Variants in COMMD1 observed in about 807,000 individuals in gnomAD.
COMMD1 encodes COMM domain-containing protein 1.
Under a neutral mutation model 17.2 loss-of-function variants are expected in COMMD1, and 10 were observed. That is an observed-to-expected ratio of 0.58 (90% CI 0.36 to 0.99). COMMD1 has a LOEUF of 0.99. Ranked by LOEUF, COMMD1 falls within the 50% of genes least tolerant of loss-of-function variation. The pLI is 0.01. For synonymous variants in COMMD1, 97 were observed against 91.6 expected (o/e 1.06, Z -0.34); for missense variants, 270 against 231.8 (o/e 1.17, Z -1.07).
intron 1 of COMMD1, among the ~76,000 whole-genome samples, chr2:61,933,724 A>G (rs1670529340): frequency 6.6e-6 from 1 of 152,168 alleles, no homozygotes; most frequent in Non-Finnish European, 1.5e-5. Flanking sequence ...CAGTTATAGT[A>G]AAAGAAAATG....
At chr2:61,907,853 A>G (rs1479015781) in intron 1 of COMMD1, among the ~76,000 whole-genome samples, 1 of 151,670 alleles carries the variant, frequency 6.6e-6, no homozygotes, top group African/African-American at 2.4e-5. Flanking sequence ...ACCACGCCTG[A>G]CTAATTTTTT....
chr2:61,968,945 CTTT>C (rs57247770), intron 1 of COMMD1: 2,845 of 212,262 alleles, frequency 0.013, no homozygotes, highest in South Asian at 0.027. Flanking sequence ...TTTATTTAGT[CTTT>C]TTTTTTTTTT....
intron 2 of COMMD1, among the ~76,000 whole-genome samples, chr2:62,114,274 A>C (rs1214371013): frequency 6.6e-6 from 1 of 152,190 alleles, no homozygotes; most frequent in Non-Finnish European, 1.5e-5. Flanking sequence ...AATCTCTTAC[A>C]CAGAGGATTG....
intron 1 of COMMD1, 78 bp from the exon 2 acceptor site, chr2:62,000,623 T>C: frequency 7.4e-7 from 1 of 1,358,348 alleles, no homozygotes; most frequent in Non-Finnish European, 1.0e-6. Context: ...ACTCAAAATA[T>C]AATCTGTAGT....
intron 1 of COMMD1, among the ~76,000 whole-genome samples, chr2:61,941,090 C>T (rs575900771): frequency 2.0e-5 from 3 of 150,992 alleles, no homozygotes; most frequent in South Asian, 2.1e-4. Flanking sequence ...TGCGGTGGCG[C>T]GATCTTGGCT....
chr2:61,910,851 G>A (rs61171616), intron 1 of COMMD1, among the ~76,000 whole-genome samples: 47,428 of 150,906 alleles, frequency 0.31, 7,527 homozygotes, highest in South Asian at 0.35. Context: ...TGGGAGGCCG[G>A]GTCAGGTGGA....
chr2:62,105,921 G>A (rs374284538), intron 2 of COMMD1, among the ~76,000 whole-genome samples: 62 of 152,324 alleles, frequency 4.1e-4, no homozygotes, highest in African/African-American at 1.2e-3. Context: ...TTCAACATGA[G>A]ATTTGGACAG....
At chr2:61,989,498 G>A (rs1220142616) in intron 1 of COMMD1, among the ~76,000 whole-genome samples, 2 of 147,822 alleles carry the variant, frequency 1.4e-5, no homozygotes, top group South Asian at 2.1e-4. Flanking sequence ...AGTTTCACTC[G>A]GTCGCCCAGG....
intron 2 of COMMD1, among the ~76,000 whole-genome samples, chr2:62,051,397 T>G (rs942400350): frequency 1.3e-5 from 2 of 152,240 alleles, no homozygotes; most frequent in Admixed American, 6.5e-5. Flanking sequence ...TAGAGTCATT[T>G]TATAAAGTTG....
chr2:61,962,623 T>G (rs985105651), intron 1 of COMMD1, among the ~76,000 whole-genome samples: 3 of 152,164 alleles, frequency 2.0e-5, no homozygotes, highest in African/African-American at 2.4e-5. Flanking sequence ...GCAGCCCCAG[T>G]AAGATCTCTG....
chr2:61,917,722 G>A lies in COMMD1; in HGVS notation c.180+11864G>A, dbSNP rs1036176680. 6.6e-5 allele frequency among the ~76,000 whole-genome samples: 10 copies of A among 152,198 alleles called. No individual in the cohort carries two copies. In the East Asian group the frequency reaches 1.9e-3, roughly 29 times the overall value. On this transcript the variant is annotated intron_variant, in intron 1 of 2. Transcript: ENST00000311832. ...TTGTTTTTGCATTTTTAGTAGAGAC[G>A]GGGTTTCACCGTGTTAGCCAGGATG... is the stretch of plus-strand genomic sequence containing the variant.
chr2:62,026,244 G>A (rs530265535), intron 2 of COMMD1, among the ~76,000 whole-genome samples: 100 of 152,332 alleles, frequency 6.6e-4, no homozygotes, highest in African/African-American at 2.3e-3. Flanking sequence ...TTGGCCTACA[G>A]TTCTGCAGGC....
In COMMD1 at chr2:62,127,697, A is replaced by C. The variant is rs376044260; in HGVS notation, c.463-8134A>C. ...TATGCAGAAAATTGAAACTGAACCC[A>C]TTCCTCACGCCTTATATAAAAATTA... On this transcript the variant is annotated intron_variant, in intron 2 of 2. Coordinates refer to ENST00000311832, the MANE Select transcript of COMMD1 (RefSeq NM_152516.4). Among the ~76,000 whole-genome samples, 84 of 152,178 alleles carry C rather than the reference A, an allele frequency of 5.5e-4. 1 individual carries two copies. Among genetic ancestry groups the C allele is most frequent in the Non-Finnish European group, 1.3e-4 (9 of 68,036 alleles).
At chr2:62,078,828 GATTGCGCCA>G (rs1321756828) in intron 2 of COMMD1, among the ~76,000 whole-genome samples, 4 of 145,584 alleles carry the variant, frequency 2.7e-5, no homozygotes, top group Non-Finnish European at 6.0e-5. Context: ...AGTGAGCCAA[GATTGCGCCA>G]CTGCACTCCA....
chr2:62,113,376 G>C lies in COMMD1; in HGVS notation c.463-22455G>C, dbSNP rs557032666. Among the ~76,000 whole-genome samples, 68 of 152,062 alleles carry C rather than the reference G, an allele frequency of 4.5e-4. 1 individual carries two copies. In the South Asian group the frequency reaches 0.014, roughly 32 times the overall value. ...CAAAAAAATATATATATATGTATAT[G>C]ATTTTCTGGAAATTTCTGATAGAGC... On this transcript the variant is annotated intron_variant, in intron 2 of 2. Transcript: ENST00000311832.
In COMMD1 at chr2:61,976,163, A is replaced by T. The variant is rs967489656; in HGVS notation, c.181-24538A>T. Among the ~76,000 whole-genome samples, 5 of 151,650 alleles carry T rather than the reference A, an allele frequency of 3.3e-5. No individual in the cohort carries two copies. The South Asian group carries it at 6.3e-4, about 19-fold the overall frequency. On this transcript the variant is annotated intron_variant, in intron 1 of 2. Coordinates refer to ENST00000311832, the MANE Select transcript of COMMD1 (RefSeq NM_152516.4). ...TTAAAATGCATACTAGGGTAGCTTTAAAAAAAAGGAAAATCAGTCAGTTAA... is the reference window on the plus strand; with the variant it reads ...TTAAAATGCATACTAGGGTAGCTTTTAAAAAAAGGAAAATCAGTCAGTTAA...
chr2:61,989,732 G>A (rs1461218402), intron 1 of COMMD1, among the ~76,000 whole-genome samples: 1 of 152,138 alleles, frequency 6.6e-6, no homozygotes, highest in Non-Finnish European at 1.5e-5. Flanking sequence ...CCAAAGTGCT[G>A]GGATTACAGG....
At chr2:62,127,033 G>A (rs1347668439) in intron 2 of COMMD1, among the ~76,000 whole-genome samples, 2 of 152,116 alleles carry the variant, frequency 1.3e-5, no homozygotes, top group Non-Finnish European at 2.9e-5. Flanking sequence ...CAAAGTCTCA[G>A]GATACAAAAT....
Position 62,023,889 on chromosome 2 carries a change from A to C in COMMD1, c.462+22907A>C, listed in dbSNP as rs7556878. Among the ~76,000 whole-genome samples, 7 of 152,050 alleles carry C rather than the reference A, an allele frequency of 4.6e-5. No individual in the cohort carries two copies. The East Asian group carries it at 1.4e-3, about 29-fold the overall frequency. On this transcript the variant is annotated intron_variant, in intron 2 of 2. Coordinates refer to ENST00000311832, the MANE Select transcript of COMMD1 (RefSeq NM_152516.4). ...ACAGGAGAATACAATGGTTATATCT[A>C]CTCTATGGAATACTCTACAGTCATT...
Sources: allele counts gnomAD v4.1 joint callset (sites outside exome capture counted in the v4.1 genomes callset), GRCh38; gene constraint gnomAD v4.1.1; transcripts MANE v1.5; gene names NCBI Gene and HGNC (gene_info 2026-07-23, HGNC 2026-07-21).